The following ANKRD28 variants were observed in gnomAD, a reference collection of about 807,000 sequenced individuals.
ANKRD28 encodes the protein ankyrin repeat domain 28.
ANKRD28 carries 44 observed loss-of-function variants against 126.5 expected under a neutral mutation model. That is an observed-to-expected ratio of 0.35 (90% confidence interval 0.27 to 0.45). ANKRD28 has a LOEUF of 0.45. Among genes scored for constraint, ANKRD28 ranks in the 20% least tolerant of loss-of-function variants. ANKRD28 has a pLI of 1.00. For missense variants in ANKRD28, 1,110 were observed against 1,316.6 expected (o/e 0.84, Z 2.43); for synonymous variants, 442 against 468.5 (o/e 0.94, Z 0.73).
At chr3:15,813,263 G>A (rs1255432680) in intron 1 of ANKRD28, among the ~76,000 whole-genome samples, 4 of 152,120 alleles carry the variant, frequency 2.6e-5, no homozygotes, top group African/African-American at 9.7e-5. Context: ...CTACTCGGGA[G>A]GCTGAGGTGG....
Position 15,699,079 on chromosome 3 carries a change from T to C in ANKRD28, c.1548-2834A>G, listed in dbSNP as rs1402885028. ...TGGAACAGAACAGAGGCCTCAGAAATAACACCACACATCTACAACCATCTG... is the reference window on the plus strand; with the variant it reads ...TGGAACAGAACAGAGGCCTCAGAAACAACACCACACATCTACAACCATCTG... On this transcript the variant is annotated intron_variant, in intron 14 of 27. Coordinates refer to ENST00000683139, the MANE Select transcript of ANKRD28 (RefSeq NM_001349278.2). Among the ~76,000 whole-genome samples, 9 of 151,926 alleles carry C rather than the reference T, an allele frequency of 5.9e-5. No homozygotes were observed. The East Asian group carries it at 1.7e-3, about 29-fold the overall frequency.
chr3:15,711,135 A>G (rs1171147312), intron 12 of ANKRD28, 76 bp downstream of exon 12: 7 of 1,295,608 alleles, frequency 5.4e-6, no homozygotes, highest in Non-Finnish European at 7.5e-6. Flanking sequence ...GAATTAATAA[A>G]AAAGAACAAA....
chr3:15,703,455 C>A (rs1300940770), intron 14 of ANKRD28, among the ~76,000 whole-genome samples: 1 of 152,204 alleles, frequency 6.6e-6, no homozygotes, highest in Non-Finnish European at 1.5e-5. Context: ...AGCCCTCCCT[C>A]ATGAATGGGA....
rs1666333177 is a variant in ANKRD28, at chr3:15,854,264, T to C, written c.27+5113A>G. On this transcript the variant is annotated intron_variant, in intron 1 of 27. Coordinates refer to the ANKRD28 transcript ENST00000399451. This position sits in a 1 kb window ranked among gnomAD's most constrained non-coding sequence, Gnocchi z 4.1. ...AATGTAGTCACTGTTAACTAATTTA[T>C]CTTCTCTTTTCCAACTACACACTCC... Among the ~76,000 whole-genome samples, 1 of 152,216 alleles carries C rather than the reference T, an allele frequency of 6.6e-6. No homozygotes were observed. Among genetic ancestry groups the C allele is most frequent in the African/African-American group, 2.4e-5 (1 of 41,438 alleles).
At position 15,700,599 on chromosome 3, in the gene ANKRD28, T is replaced by A. The variant is rs144065269; in HGVS notation, c.1548-4354A>T. Among the ~76,000 whole-genome samples the A allele has an allele frequency of 2.8e-3, 430 of 151,864 alleles. 2 individuals are homozygous for A. The highest frequency in any genetic ancestry group is 0.01 in the Middle Eastern group (3 of 294). On this transcript the variant is annotated intron_variant, in intron 14 of 27. Coordinates refer to ENST00000683139, the MANE Select transcript of ANKRD28 (RefSeq NM_001349278.2). ...GACCATCCTGGCCAACATGGTGAAA[T>A]CTTGTCTCTACCAAGAGTACAAAAA...
rs767833283 is a variant in ANKRD28, at chr3:15,724,344, G to A, written c.783+38C>T. ...AATAATGTAATAGTAAGTATAAAAG[G>A]GTTCCATAATTTTATACTGTTCAAT... On this transcript the variant is annotated intron_variant, in intron 7 of 27. Transcript: ENST00000683139. The A allele has an allele frequency of 1.4e-5, 21 of 1,516,136 alleles. No individual in the cohort carries two copies. In the African/African-American group the frequency reaches 1.9e-4, roughly 14 times the overall value. The allele number at this position is 1,516,136 out of a possible 1,614,324, so 93.9% of individuals were successfully genotyped here.
At chr3:15,674,209 C>T (rs1027507916) in intron 27 of ANKRD28, among the ~76,000 whole-genome samples, 2 of 109,706 alleles carry the variant, frequency 1.8e-5, no homozygotes, top group African/African-American at 6.9e-5. Context: ...GAAGAAGAAC[C>T]GAAATTCAAG....
Position 15,679,311 on chromosome 3 carries a change from A to G in ANKRD28, c.2551T>C (p.Ser851Pro). The G allele has an allele frequency of 6.2e-7, 1 of 1,613,816 alleles. No homozygotes were observed. Among genetic ancestry groups the G allele is most frequent in the Non-Finnish European group, 8.5e-7 (1 of 1,179,800 alleles). ...TAGTTGAATTCCTACCTTCCTTTTG[A>G]ATCTGTGGCGTTCACAATGCTGGCA... is the stretch of plus-strand genomic sequence containing the variant. ...LGASIVNATD[S>P]KGRTPLHAAA... Residue 851 changes from serine (S) to proline (P), a missense_variant, in exon 23 of 28, where the codon TCA (serine) becomes CCA (proline). Coordinates refer to ENST00000683139, the MANE Select transcript of ANKRD28 (RefSeq NM_001349278.2).
chr3:15,795,401 C>T, intron 1 of ANKRD28, 95 bp from the exon 2 acceptor site: 1 of 806,914 alleles, frequency 1.2e-6, no homozygotes, highest in Non-Finnish European at 2.0e-6. Context: ...GTTTTCTTCC[C>T]TGTAGCAATA....
chr3:15,854,110 C>T lies in ANKRD28; in HGVS notation c.27+5267G>A, dbSNP rs1279473860. Among the ~76,000 whole-genome samples, 2 of 152,180 alleles carry T rather than the reference C, an allele frequency of 1.3e-5. No individual in the cohort carries two copies. Among genetic ancestry groups the T allele is most frequent in the Non-Finnish European group, 2.9e-5 (2 of 68,034 alleles). On this transcript the variant is annotated intron_variant, in intron 1 of 27. Transcript: ENST00000399451. The surrounding 1 kb of genome is among the most constrained non-coding windows in gnomAD (Gnocchi z 4.1). ...ATCTAACTTTCAGTGATCATGGACC[C>T]CTCTGAGGATCCATACCTGCACATT... is the stretch of plus-strand genomic sequence containing the variant.
intron 8 of ANKRD28, among the ~76,000 whole-genome samples, chr3:15,715,758 G>A (rs942664866): frequency 6.6e-6 from 1 of 152,158 alleles, no homozygotes; most frequent in African/African-American, 2.4e-5. Context: ...TTACTGGTCT[G>A]TTGTACAGAG....
intron 2 of ANKRD28, among the ~76,000 whole-genome samples, chr3:15,773,253 GGT>G (rs2125620409): frequency 6.6e-6 from 1 of 152,056 alleles, no homozygotes; most frequent in East Asian, 1.9e-4. Flanking sequence ...CTAAAAAAAA[GGT>G]ATCATTTAGA....
chr3:15,766,127 C>T (rs1036048854), intron 3 of ANKRD28, 107 bp downstream of exon 3: 1 of 792,546 alleles, frequency 1.3e-6, no homozygotes, highest in Admixed American at 2.9e-5. Context: ...GCTGATAAAA[C>T]AAATATGAAC....
intron 1 of ANKRD28, among the ~76,000 whole-genome samples, chr3:15,820,199 G>A (rs112164261): frequency 7.4e-4 from 112 of 152,168 alleles, no homozygotes; most frequent in Non-Finnish European, 1.1e-3. Flanking sequence ...AATAATGTAC[G>A]TATGTTTATC....
At chr3:15,849,071 A>G (rs1330617844) in intron 1 of ANKRD28, among the ~76,000 whole-genome samples, 1 of 152,228 alleles carries the variant, frequency 6.6e-6, no homozygotes, top group African/African-American at 2.4e-5. Context: ...AGAAAATTCC[A>G]TACACAATAG....
intron 1 of ANKRD28, among the ~76,000 whole-genome samples, chr3:15,811,566 T>C (rs1272797537): frequency 6.6e-6 from 1 of 152,082 alleles, no homozygotes; most frequent in Non-Finnish European, 1.5e-5. Context: ...GCGATTCTCC[T>C]GCCTCAGCCT....
chr3:15,718,336 T>C (rs1313108517), intron 8 of ANKRD28, among the ~76,000 whole-genome samples: 1 of 152,230 alleles, frequency 6.6e-6, no homozygotes, highest in East Asian at 1.9e-4. Flanking sequence ...AGGCTGTTGC[T>C]GTCAAATCTA....
At chr3:15,716,266 GCCAC>G (rs1476415287) in intron 8 of ANKRD28, among the ~76,000 whole-genome samples, 1 of 149,306 alleles carries the variant, frequency 6.7e-6, no homozygotes, top group Non-Finnish European at 1.5e-5. Flanking sequence ...ACAGGCATGA[GCCAC>G]CGCACCTGGA....
intron 13 of ANKRD28, 52 bp from the exon 14 acceptor site, chr3:15,708,116 T>A: frequency 6.5e-7 from 1 of 1,545,480 alleles, no homozygotes; most frequent in Non-Finnish European, 8.8e-7. Flanking sequence ...ACATAACTAG[T>A]AAACAAAAGC....
Sources: allele counts gnomAD v4.1 joint callset (sites outside exome capture counted in the v4.1 genomes callset), GRCh38; gene constraint gnomAD v4.1.1; non-coding constraint Gnocchi (gnomAD v3.1); transcripts MANE v1.5; gene names NCBI Gene and HGNC (gene_info 2026-07-23, HGNC 2026-07-21).